CAMTA1: variants seen among roughly 807,000 people sequenced by gnomAD.
CAMTA1 encodes calmodulin binding transcription activator 1, also known as calmodulin-binding transcription activator 1.
Under a neutral mutation model 170.9 loss-of-function variants are expected in CAMTA1, and 27 were observed. The observed-to-expected ratio is 0.16, with a 90% CI of 0.12 to 0.22. The LOEUF (loss-of-function observed/expected upper bound fraction) is 0.22, where lower values mean the gene tolerates loss of function less well. Ranked by LOEUF, CAMTA1 falls within the 10% of genes least tolerant of loss-of-function variation. The pLI, the probability that CAMTA1 is intolerant of heterozygous loss-of-function variation, is 1.00. For synonymous variants in CAMTA1, 833 were observed against 891.5 expected (o/e 0.93, Z 1.17); for missense variants, 1,619 against 2,217.2 (o/e 0.73, Z 5.42).
chr1:7,316,957 C>T (rs998640732), intron 5 of CAMTA1, among the ~76,000 whole-genome samples: 3 of 152,184 alleles, frequency 2.0e-5, no homozygotes, highest in Non-Finnish European at 4.4e-5. Flanking sequence ...ACTCAGTGGC[C>T]ATGTGGGGCC....
At chr1:7,090,025 G>A (rs1334636539) in intron 3 of CAMTA1, among the ~76,000 whole-genome samples, 1 of 152,206 alleles carries the variant, frequency 6.6e-6, no homozygotes, top group African/African-American at 2.4e-5. Flanking sequence ...TTTTGCTATA[G>A]GCTTCTGCTT....
Position 7,186,151 on chromosome 1 carries a change from GTA to G in CAMTA1, c.303-63339_303-63338del, listed in dbSNP as rs532987723. On this transcript the variant is annotated intron_variant, in intron 4 of 22. Transcript: ENST00000303635. ...GATATATTTGTGTGCATGTCTGTAGGTAGAGAGGGAGAGCAAAAGAGCAAAAG... is the reference window on the plus strand; with the variant it reads ...GATATATTTGTGTGCATGTCTGTAGGGAGAGGGAGAGCAAAAGAGCAAAAG... 1.2e-3 allele frequency among the ~76,000 whole-genome samples: 184 copies of G among 152,254 alleles called. 3 individuals carry two copies. Among genetic ancestry groups the G allele is most frequent in the African/African-American group, 4.4e-3 (181 of 41,548 alleles).
In CAMTA1 at chr1:7,239,416, A is replaced by G. The variant is rs75595059; in HGVS notation, c.303-10075A>G. ...TGACTTTTTCAGGCTATATGTTCTC[A>G]TTCCAGCACACTCCTGCTCTTTTTT... On this transcript the variant is annotated intron_variant, in intron 4 of 22. Coordinates refer to ENST00000303635, the MANE Select transcript of CAMTA1 (RefSeq NM_015215.4). Among the ~76,000 whole-genome samples, 975 of 152,238 alleles carry G rather than the reference A, an allele frequency of 6.4e-3. 1 individual carries two copies. The highest frequency in any genetic ancestry group is 0.012 in the Non-Finnish European group (793 of 68,008).
chr1:7,718,853 C>CTTTTT (rs1380463151), intron 11 of CAMTA1, among the ~76,000 whole-genome samples: 36,405 of 134,024 alleles, frequency 0.27, 5,823 homozygotes, highest in Non-Finnish European at 0.35. Context: ...CCGGTCAGCC[C>CTTTTT]TTTTTTTTTT....
At chr1:7,002,706 T>C (rs1698411521) in intron 3 of CAMTA1, among the ~76,000 whole-genome samples, 1 of 152,228 alleles carries the variant, frequency 6.6e-6, no homozygotes. Flanking sequence ...TACTACCATC[T>C]AGCCCATGTG....
At chr1:7,590,668 G>A (rs891749819) in intron 6 of CAMTA1, among the ~76,000 whole-genome samples, 25 of 152,342 alleles carry the variant, frequency 1.6e-4, no homozygotes, top group African/African-American at 6.0e-4. Flanking sequence ...ATTTTGGGGA[G>A]AACCTTAGAG....
chr1:7,485,248 G>A (rs2093602622), intron 6 of CAMTA1, among the ~76,000 whole-genome samples: 1 of 152,180 alleles, frequency 6.6e-6, no homozygotes, highest in Non-Finnish European at 1.5e-5. Context: ...GCAGTTGCCA[G>A]TTGTCACCCA....
chr1:7,702,975 A>C (rs2096458423), intron 11 of CAMTA1, among the ~76,000 whole-genome samples: 1 of 152,178 alleles, frequency 6.6e-6, no homozygotes, highest in Non-Finnish European at 1.5e-5. Context: ...CACCATAGAT[A>C]TGAAGGCACA....
At chr1:6,969,323 C>T (rs1389454072) in intron 3 of CAMTA1, among the ~76,000 whole-genome samples, 3 of 152,140 alleles carry the variant, frequency 2.0e-5, no homozygotes, top group Non-Finnish European at 4.4e-5. Context: ...TGCCTGTGAC[C>T]TGAGTGGAGC....
intron 19 of CAMTA1, among the ~76,000 whole-genome samples, chr1:7,749,577 C>G (rs1000740522): frequency 6.6e-6 from 1 of 150,426 alleles, no homozygotes; most frequent in Non-Finnish European, 1.5e-5. Context: ...TCATCTACAG[C>G]TAGGAAGACA....
intron 11 of CAMTA1, among the ~76,000 whole-genome samples, chr1:7,702,811 G>C (rs1214213898): frequency 1.3e-5 from 2 of 152,066 alleles, no homozygotes; most frequent in African/African-American, 4.8e-5. Flanking sequence ...CAGAAACCCA[G>C]AAGCCACCCC....
intron 3 of CAMTA1, among the ~76,000 whole-genome samples, chr1:6,858,686 G>A (rs541661219): frequency 1.3e-5 from 2 of 152,204 alleles, no homozygotes; most frequent in Admixed American, 6.5e-5. Context: ...GTCTGAAATC[G>A]TATTGACAGG....
chr1:6,824,465 A>G (rs192336061), intron 2 of CAMTA1, among the ~76,000 whole-genome samples: 48 of 152,254 alleles, frequency 3.2e-4, no homozygotes, highest in African/African-American at 1.1e-3. Flanking sequence ...TTTTGATGAA[A>G]TACATTAATT....
intron 6 of CAMTA1, among the ~76,000 whole-genome samples, chr1:7,590,603 G>A (rs1242694591): frequency 1.3e-5 from 2 of 152,232 alleles, no homozygotes; most frequent in Non-Finnish European, 2.9e-5. Context: ...GGGGTGGGCG[G>A]TTGGCTGACA....
intron 5 of CAMTA1, among the ~76,000 whole-genome samples, chr1:7,350,152 C>T (rs1387229175): frequency 6.6e-6 from 1 of 152,166 alleles, no homozygotes; most frequent in African/African-American, 2.4e-5. Context: ...CCCCAGGCAC[C>T]TGCTCTTGTT....
intron 7 of CAMTA1, among the ~76,000 whole-genome samples, chr1:7,661,202 G>A (rs1455123298): frequency 6.6e-6 from 1 of 151,716 alleles, no homozygotes; most frequent in Non-Finnish European, 1.5e-5. Context: ...AAAGAAGTCT[G>A]GTGAGGGCAG....
intron 5 of CAMTA1, among the ~76,000 whole-genome samples, chr1:7,347,684 C>T (rs527415561): frequency 4.8e-4 from 73 of 152,206 alleles, no homozygotes; most frequent in Non-Finnish European, 6.5e-4. Context: ...GAATCTGTCC[C>T]GACCCCTCTT....
chr1:7,353,025 C>T (rs973682181), intron 5 of CAMTA1, among the ~76,000 whole-genome samples: 2 of 152,298 alleles, frequency 1.3e-5, no homozygotes, highest in East Asian at 1.9e-4. Context: ...CAGAGGCCAT[C>T]GCCCTTGACC....
chr1:7,447,826 G>A (rs1187103484), intron 5 of CAMTA1, among the ~76,000 whole-genome samples: 2 of 152,234 alleles, frequency 1.3e-5, no homozygotes, highest in Non-Finnish European at 2.9e-5. Context: ...AGCATTCCAG[G>A]TGGGCTCGCT....
Sources: allele counts gnomAD v4.1 joint callset (sites outside exome capture counted in the v4.1 genomes callset), GRCh38; gene constraint gnomAD v4.1.1; transcripts MANE v1.5; gene names NCBI Gene and HGNC (gene_info 2026-07-23, HGNC 2026-07-21).